The following VPS4A variants were observed in gnomAD, a reference collection of about 807,000 sequenced individuals.
VPS4A encodes vacuolar protein sorting 4 homolog A.
Under a neutral mutation model 52.3 loss-of-function variants are expected in VPS4A, and 20 were observed. That is an observed-to-expected ratio of 0.38 (90% CI 0.27 to 0.56). VPS4A has a LOEUF of 0.56. Ranked by LOEUF, VPS4A falls within the 20% of genes least tolerant of loss-of-function variation. The probability of loss-of-function intolerance (pLI) is 0.72; values close to 1 mark genes in which losing one functional copy is unlikely to be tolerated. For synonymous variants in VPS4A, 293 were observed against 227.7 expected (o/e 1.29, Z -2.58); for missense variants, 419 against 575.9 (o/e 0.73, Z 2.79).
Position 69,325,760 on chromosome 16 carries a change from CAT to C in VPS4A, c.*1453_*1454del, listed in dbSNP as rs1212112373. ...AAAAAAAAAAAAAGTCGAGAGTTGA[CAT>C]AAAAATTCAGAATTCTGACTTCTAG... On this transcript the variant is annotated 3_prime_UTR_variant, in exon 11 of 11. Coordinates refer to ENST00000254950, the MANE Select transcript of VPS4A (RefSeq NM_013245.3). 1 of 150,602 alleles carries C rather than the reference CAT, an allele frequency of 6.6e-6. No individual in the cohort carries two copies. Among genetic ancestry groups the C allele is most frequent in the Non-Finnish European group, 1.5e-5 (1 of 67,754 alleles). The allele number at this position is 150,602 out of a possible 1,614,324, so 9.3% of individuals were successfully genotyped here. A position where few individuals can be genotyped will look rare whatever the true frequency, so the allele number is the denominator to read the frequency against.
chr16:69,315,272 T>C (rs1353553040), intron 1 of VPS4A, among the ~76,000 whole-genome samples: 1 of 152,172 alleles, frequency 6.6e-6, no homozygotes, highest in Non-Finnish European at 1.5e-5. Context: ...ACAGGATTTA[T>C]GAGATTCCCA....
At chr16:69,314,070 A>G (rs191153546) in intron 1 of VPS4A, among the ~76,000 whole-genome samples, 4 of 148,598 alleles carry the variant, frequency 2.7e-5, no homozygotes, top group East Asian at 2.0e-4. Flanking sequence ...GGTTCAAGCA[A>G]TTCTCCTGCC....
At position 69,314,377 on chromosome 16, in the gene VPS4A, C is replaced by G. The variant is rs181550971; in HGVS notation, c.22-1631C>G. On this transcript the variant is annotated intron_variant, in intron 1 of 10. Transcript: ENST00000254950. ...CTTCAGTATTGTTCTAAGGATAGAC[C>G]CAAGCATGAAGCTACAGAGAGTGAA... 2.0e-3 allele frequency among the ~76,000 whole-genome samples: 308 copies of G among 152,014 alleles called. 4 individuals carry two copies. Among genetic ancestry groups the G allele is most frequent in the African/African-American group, 7.1e-3 (296 of 41,470 alleles).
Position 69,320,880 on chromosome 16 carries a change from C to T in VPS4A, c.851+111C>T. ...CCTGGCCCCTTTTCCCTGGAGTCTT[C>T]CCGTCTGCCTGCCAAGCAGAGCCCT... On this transcript the variant is annotated intron_variant, in intron 8 of 10. Coordinates refer to ENST00000254950, the MANE Select transcript of VPS4A (RefSeq NM_013245.3). This position sits in a 1 kb window ranked among gnomAD's most constrained non-coding sequence, Gnocchi z 4.2. The T allele has an allele frequency of 7.8e-7, 1 of 1,278,706 alleles. No homozygotes were observed. The allele number at this position is 1,278,706 out of a possible 1,614,324, so 79.2% of individuals were successfully genotyped here.
At position 69,324,574 on chromosome 16, in the gene VPS4A, T is replaced by G; in HGVS notation, c.*265T>G. 1 of 413,632 alleles carries G rather than the reference T, an allele frequency of 2.4e-6. No individual in the cohort carries two copies. The highest frequency in any genetic ancestry group is 3.4e-5 in the South Asian group (1 of 29,328). The allele number at this position is 413,632 out of a possible 1,614,324, so 25.6% of individuals were successfully genotyped here. A position where few individuals can be genotyped will look rare whatever the true frequency, so the allele number is the denominator to read the frequency against. Reference sequence around the variant, plus strand: ...CATCAGCTCCTTCTGCCTCCCCCCCTTTTTTTTCCATCTTTTGTTCCCCTA... The same window carrying G: ...CATCAGCTCCTTCTGCCTCCCCCCCGTTTTTTTCCATCTTTTGTTCCCCTA... On this transcript the variant is annotated 3_prime_UTR_variant, in exon 11 of 11. Transcript: ENST00000254950.
chr16:69,317,480 A>G (rs1244121851), intron 3 of VPS4A, among the ~76,000 whole-genome samples: 1 of 151,966 alleles, frequency 6.6e-6, no homozygotes, highest in African/African-American at 2.4e-5. Flanking sequence ...CAACATGGTG[A>G]ATCCCGTCTC....
At chr16:69,311,649 C>T in intron 1 of VPS4A, 117 bp downstream of exon 1, 1 of 1,054,500 alleles carries the variant, frequency 9.5e-7, no homozygotes, top group Non-Finnish European at 1.2e-6. Flanking sequence ...GCCTCGCGAC[C>T]CCGCTCCGGC....
At position 69,324,418 on chromosome 16, in the gene VPS4A, C is replaced by A; in HGVS notation, c.*109C>A. On this transcript the variant is annotated 3_prime_UTR_variant, in exon 11 of 11. Coordinates refer to ENST00000254950, the MANE Select transcript of VPS4A (RefSeq NM_013245.3). ...GCTCCAGGGCTTGTCCCAGTCAATA[C>A]AGAGTTCCCTCTGCTGTCTGGCCGT... 8.3e-7 allele frequency: 1 copy of A among 1,200,550 alleles called. No individual in the cohort carries two copies. Among genetic ancestry groups the A allele is most frequent in the Admixed American group, 2.0e-5 (1 of 49,730 alleles). The allele number at this position is 1,200,550 out of a possible 1,614,324, so 74.4% of individuals were successfully genotyped here.
At position 69,325,732 on chromosome 16, in the gene VPS4A, CAA is replaced by C. The variant is rs765941939; in HGVS notation, c.*1437_*1438del. 5 of 109,632 alleles carry C rather than the reference CAA, an allele frequency of 4.6e-5. No individual in the cohort carries two copies. Among genetic ancestry groups the C allele is most frequent in the African/African-American group, 3.4e-5 (1 of 29,352 alleles). The allele number at this position is 109,632 out of a possible 1,614,324, so 6.8% of individuals were successfully genotyped here. ...TGGGCGACAGAGCAAGACTCTGTCT[CAA>C]AAAAAAAAAAAAAGTCGAGAGTTGA... On this transcript the variant is annotated 3_prime_UTR_variant, in exon 11 of 11. Coordinates refer to ENST00000254950, the MANE Select transcript of VPS4A (RefSeq NM_013245.3).
At position 69,318,725 on chromosome 16, in the gene VPS4A, G is replaced by A. The variant is rs975104968; in HGVS notation, c.343+14G>A. The A allele has an allele frequency of 6.2e-6, 10 of 1,613,576 alleles. No individual in the cohort carries two copies. The highest frequency in any genetic ancestry group is 2.2e-5 in the East Asian group (1 of 44,832). On this transcript the variant is annotated intron_variant, in intron 4 of 10. Transcript: ENST00000254950. ...AACAGCTGATGGGTAAGTGGCTCGC[G>A]GCCCTGTGGCAGCGGCAGGGGATGA...
In VPS4A at chr16:69,320,409, C is replaced by T; in HGVS notation, c.769+120C>T. The stretch of plus-strand genomic sequence containing the variant: ...GCCTCGGAGAGGCACTCCCCAGCTC[C>T]AGCCCCTCAGGGCACGGGTGGACTT... On this transcript the variant is annotated intron_variant, in intron 7 of 10. Coordinates refer to ENST00000254950, the MANE Select transcript of VPS4A (RefSeq NM_013245.3). The surrounding 1 kb of genome is among the most constrained non-coding windows in gnomAD (Gnocchi z 4.2). 2 of 1,428,546 alleles carry T rather than the reference C, an allele frequency of 1.4e-6. No individual in the cohort carries two copies. The highest frequency in any genetic ancestry group is 1.9e-6 in the Non-Finnish European group (2 of 1,055,720). 88.5% of individuals were successfully genotyped at this position (1,428,546 alleles called of 1,614,324 possible). A position where few individuals can be genotyped will look rare whatever the true frequency, so the allele number is the denominator to read the frequency against.
In VPS4A at chr16:69,326,873, G is replaced by A. The variant is rs1421346558; in HGVS notation, c.*2564G>A. The A allele has an allele frequency of 6.6e-6, 1 of 152,102 alleles. No homozygotes were observed. The highest frequency in any genetic ancestry group is 2.4e-5 in the African/African-American group (1 of 41,406). 9.4% of individuals were successfully genotyped at this position (152,102 alleles called of 1,614,324 possible). Reference sequence around the variant, plus strand: ...GTTGACATGTATATGCGTTTTTTGTGAGTGCTTCCTGCTCAAAGTGGGAGA... The same window carrying A: ...GTTGACATGTATATGCGTTTTTTGTAAGTGCTTCCTGCTCAAAGTGGGAGA... On this transcript the variant is annotated 3_prime_UTR_variant, in exon 11 of 11. Coordinates refer to ENST00000254950, the MANE Select transcript of VPS4A (RefSeq NM_013245.3).
chr16:69,325,786 A>G lies in VPS4A; in HGVS notation c.*1477A>G, dbSNP rs1965585207. On this transcript the variant is annotated 3_prime_UTR_variant, in exon 11 of 11. Coordinates refer to ENST00000254950, the MANE Select transcript of VPS4A (RefSeq NM_013245.3). The stretch of plus-strand genomic sequence containing the variant: ...ATAAAAATTCAGAATTCTGACTTCT[A>G]GAAGATTAAATTAGGTAATGTTGGG... The G allele has an allele frequency of 6.6e-6, 1 of 151,420 alleles. No homozygotes were observed. The highest frequency in any genetic ancestry group is 1.5e-5 in the Non-Finnish European group (1 of 68,016). The allele number at this position is 151,420 out of a possible 1,614,324, so 9.4% of individuals were successfully genotyped here. A position where few individuals can be genotyped will look rare whatever the true frequency, so the allele number is the denominator to read the frequency against.
chr16:69,326,639 C>CG lies in VPS4A; in HGVS notation c.*2331dup. The CG allele has an allele frequency of 6.6e-6, 1 of 152,352 alleles. No homozygotes were observed. The highest frequency in any genetic ancestry group is 1.9e-4 in the East Asian group (1 of 5,188). The allele number at this position is 152,352 out of a possible 1,614,324, so 9.4% of individuals were successfully genotyped here. On this transcript the variant is annotated 3_prime_UTR_variant, in exon 11 of 11. Coordinates refer to ENST00000254950, the MANE Select transcript of VPS4A (RefSeq NM_013245.3). ...CATGACCAGCAACAGGAACCACTGA[C>CG]GCTGAACTTTGGACAGTGGCCTCAG...
intron 1 of VPS4A, among the ~76,000 whole-genome samples, chr16:69,314,142 T>C (rs1036021757): frequency 5.3e-5 from 8 of 151,994 alleles, no homozygotes; most frequent in Non-Finnish European, 7.4e-5. Context: ...ACTTTTTGTA[T>C]TTTTAGTAGA....
chr16:69,322,136 TC>T, intron 9 of VPS4A: 1 of 166,248 alleles, frequency 6.0e-6, no homozygotes, highest in Non-Finnish European at 1.3e-5. Flanking sequence ...GATAAACCCA[TC>T]AGATCTCGTG....
At position 69,323,255 on chromosome 16, in the gene VPS4A, C is replaced by A. The variant is rs2143270594; in HGVS notation, c.1212+555C>A. ...CACTGCAGGCTTGACCTCACGAGCT[C>A]ACACAATCTTCTGACCTCAGCCTCC... On this transcript the variant is annotated intron_variant, in intron 10 of 10. Coordinates refer to ENST00000254950, the MANE Select transcript of VPS4A (RefSeq NM_013245.3). 5 of 180,764 alleles carry A rather than the reference C, an allele frequency of 2.8e-5. No individual in the cohort carries two copies. In the South Asian group the frequency reaches 5.1e-4, roughly 19 times the overall value. The allele number at this position is 180,764 out of a possible 1,614,324, so 11.2% of individuals were successfully genotyped here.
At chr16:69,317,620 C>T (rs1003675010) in intron 3 of VPS4A, among the ~76,000 whole-genome samples, 1 of 152,116 alleles carries the variant, frequency 6.6e-6, no homozygotes, top group African/African-American at 2.4e-5. Flanking sequence ...GGTGAAACCC[C>T]GTCTCCACTA....
chr16:69,322,833 G>A (rs1260716908), intron 10 of VPS4A, 133 bp downstream of exon 10: 7 of 1,137,670 alleles, frequency 6.2e-6, no homozygotes, highest in Non-Finnish European at 8.4e-6. Flanking sequence ...ACTTTGGGAG[G>A]CCAGGGTGGG....
Sources: allele counts gnomAD v4.1 joint callset (sites outside exome capture counted in the v4.1 genomes callset), GRCh38; gene constraint gnomAD v4.1.1; non-coding constraint Gnocchi (gnomAD v3.1); transcripts MANE v1.5; gene names NCBI Gene and HGNC (gene_info 2026-07-23, HGNC 2026-07-21).